Variants in CCDC126 observed in about 807,000 individuals in gnomAD.
The protein encoded by CCDC126 is coiled-coil domain containing 126, also known as coiled-coil domain-containing protein 126.
In CCDC126, 5 loss-of-function variants were observed where a neutral mutation model predicts 11.7. That is an observed-to-expected ratio of 0.43 (90% CI 0.22 to 0.90). The LOEUF (loss-of-function observed/expected upper bound fraction) is 0.90. CCDC126 is among the 40% of genes least tolerant of loss of function. The pLI is 0.27. For synonymous variants in CCDC126, 60 were observed against 61.9 expected, an observed-to-expected ratio of 0.97 and a Z score of 0.14; for missense variants, 150 against 163.1, an observed-to-expected ratio of 0.92 and a Z score of 0.44.
chr7:23,636,632 C>A (rs1225532260), intron 3 of CCDC126, among the ~76,000 whole-genome samples: 1 of 143,056 alleles, frequency 7.0e-6, no homozygotes, highest in African/African-American at 2.7e-5. Context: ...TGGCAACCGC[C>A]CCGTCTGAGA....
At position 23,624,104 on chromosome 7, in the gene CCDC126, C is replaced by G. The variant is rs189218326; in HGVS notation, c.238+12551C>G. Among the ~76,000 whole-genome samples, 109 of 152,320 alleles carry G rather than the reference C, an allele frequency of 7.2e-4. No individual in the cohort carries two copies. The Middle Eastern group carries it at 0.01, about 14-fold the overall frequency. On this transcript the variant is annotated intron_variant, in intron 3 of 3. Coordinates refer to ENST00000307471, the MANE Select transcript of CCDC126 (RefSeq NM_138771.4). ...CATTAAAGATTTAGCTTTCTCAGGT[C>G]TGCTAAGTCAGTTACCATTCAGCCC...
chr7:23,635,561 T>C (rs934349052), intron 3 of CCDC126, among the ~76,000 whole-genome samples: 18 of 152,270 alleles, frequency 1.2e-4, no homozygotes, highest in Non-Finnish European at 2.5e-4. Flanking sequence ...TTTGTTCTGA[T>C]ATTCAATGAA....
chr7:23,621,627 G>T (rs957187296), intron 3 of CCDC126, among the ~76,000 whole-genome samples: 1 of 152,198 alleles, frequency 6.6e-6, no homozygotes, highest in Non-Finnish European at 1.5e-5. Flanking sequence ...TTGAATAGGA[G>T]TGGTGAGAGA....
Position 23,611,308 on chromosome 7 carries a change from C to T in CCDC126, c.-8C>T, listed in dbSNP as rs771192929. The T allele has an allele frequency of 5.1e-6, 8 of 1,555,350 alleles. No homozygotes were observed. Among genetic ancestry groups the T allele is most frequent in the Admixed American group, 3.4e-5 (2 of 59,152 alleles). ...TTCAGTCAAGTCTGTTTGTTTGCTT[C>T]TTCAGAAATGTTTTTTACAATCTCA... is the stretch of plus-strand genomic sequence containing the variant. On this transcript the variant is annotated 5_prime_UTR_variant, in exon 3 of 4. Coordinates refer to ENST00000307471, the MANE Select transcript of CCDC126 (RefSeq NM_138771.4).
intron 3 of CCDC126, among the ~76,000 whole-genome samples, chr7:23,620,110 T>C (rs1299124612): frequency 1.3e-4 from 20 of 152,116 alleles, no homozygotes; most frequent in African/African-American, 2.9e-4. Context: ...AATGGGATGG[T>C]TGGGTCAAAT....
intron 3 of CCDC126, among the ~76,000 whole-genome samples, chr7:23,634,015 C>A (rs532409658): frequency 1.4e-4 from 22 of 152,280 alleles, no homozygotes; most frequent in African/African-American, 4.8e-4. Context: ...ACTTCTGTGT[C>A]ATTTTACATT....
chr7:23,617,877 A>G (rs550970078), intron 3 of CCDC126, among the ~76,000 whole-genome samples: 28 of 152,274 alleles, frequency 1.8e-4, no homozygotes, highest in African/African-American at 6.3e-4. Context: ...TGCAGAACCC[A>G]CAGATACAGA....
chr7:23,622,489 T>C (rs928367282), intron 3 of CCDC126: 3 of 447,328 alleles, frequency 6.7e-6, no homozygotes, highest in Non-Finnish European at 1.3e-5. Flanking sequence ...TTATCAACTT[T>C]TCCTTAAAAG....
chr7:23,599,487 T>C (rs962289483), intron 2 of CCDC126, among the ~76,000 whole-genome samples: 1 of 151,924 alleles, frequency 6.6e-6, no homozygotes, highest in Non-Finnish European at 1.5e-5. Context: ...TCTATGTATA[T>C]GTATATATAT....
At chr7:23,631,773 A>C (rs897912629) in intron 3 of CCDC126, among the ~76,000 whole-genome samples, 20 of 151,978 alleles carry the variant, frequency 1.3e-4, no homozygotes, top group African/African-American at 4.1e-4. Flanking sequence ...AAAAAAAAAG[A>C]AATTTAATTT....
chr7:23,602,696 C>T (rs1584191936), intron 2 of CCDC126, among the ~76,000 whole-genome samples: 2 of 152,156 alleles, frequency 1.3e-5, no homozygotes, highest in Admixed American at 6.5e-5. Flanking sequence ...AAATTGGAAC[C>T]AGACTTTGTA....
intron 2 of CCDC126, among the ~76,000 whole-genome samples, chr7:23,608,086 T>G (rs1782650737): frequency 2.0e-5 from 3 of 152,322 alleles, no homozygotes; most frequent in Admixed American, 2.0e-4. Flanking sequence ...ACAATTGAGC[T>G]TCATACCCAT....
chr7:23,631,568 C>T (rs979744291), intron 3 of CCDC126, among the ~76,000 whole-genome samples: 9 of 152,108 alleles, frequency 5.9e-5, no homozygotes, highest in Admixed American at 2.0e-4. Flanking sequence ...CAAGACCAGC[C>T]TTACCAACAT....
chr7:23,619,587 A>C, intron 3 of CCDC126: 1 of 215,114 alleles, frequency 4.6e-6, no homozygotes, highest in Admixed American at 5.4e-5. Context: ...TAAGAAAAAT[A>C]TATTTTTATT....
intron 3 of CCDC126, among the ~76,000 whole-genome samples, chr7:23,626,501 A>G (rs1243854571): frequency 3.7e-4 from 57 of 152,236 alleles, no homozygotes; most frequent in Middle Eastern, 3.4e-3. Flanking sequence ...TTTAATGGAA[A>G]TTAAAAAAAA....
chr7:23,622,781 C>A (rs772036200), intron 3 of CCDC126: 6 of 492,920 alleles, frequency 1.2e-5, no homozygotes, highest in East Asian at 1.1e-4. Flanking sequence ...ACCATAGATA[C>A]AACATTGAAT....
At chr7:23,621,364 G>T (rs1471388621) in intron 3 of CCDC126, among the ~76,000 whole-genome samples, 1 of 152,166 alleles carries the variant, frequency 6.6e-6, no homozygotes, top group Non-Finnish European at 1.5e-5. Context: ...GTTCACTCAT[G>T]ATTTGGCTCT....
Position 23,600,264 on chromosome 7 carries a change from G to T in CCDC126, c.-146+2213G>T, listed in dbSNP as rs1334872795. On this transcript the variant is annotated intron_variant, in intron 2 of 3. Transcript: ENST00000307471. The stretch of plus-strand genomic sequence containing the variant: ...CCATCTAAAAATGATCTGATATCTT[G>T]ACACTCATTATTTCCGTATCTTAGC... 2.0e-5 allele frequency among the ~76,000 whole-genome samples: 3 copies of T among 151,452 alleles called. No homozygotes were observed. The East Asian group carries it at 5.8e-4, about 29-fold the overall frequency.
chr7:23,642,178 A>G (rs928744752), intron 3 of CCDC126, among the ~76,000 whole-genome samples: 1 of 151,798 alleles, frequency 6.6e-6, no homozygotes. Flanking sequence ...GGCCCGGCTA[A>G]TTTTTTTATA....
Sources: gnomAD v4.1 joint callset for allele counts (sites outside exome capture counted in the v4.1 genomes callset) on GRCh38, gnomAD v4.1.1 for gene constraint, MANE v1.5 for transcripts, NCBI Gene and HGNC (gene_info 2026-07-23, HGNC 2026-07-21) for gene names.